Variants in TOP3B observed in about 807,000 individuals in gnomAD.
The protein encoded by TOP3B is DNA topoisomerase III beta.
TOP3B carries 45 observed loss-of-function variants against 93.9 expected under a neutral mutation model. The observed-to-expected ratio is 0.48, with a 90% CI of 0.38 to 0.61. TOP3B has a LOEUF of 0.61. TOP3B is among the 20% of genes least tolerant of loss of function. TOP3B has a pLI of 0.00. For synonymous variants in TOP3B, 357 were observed against 472.6 expected, an observed-to-expected ratio of 0.76 and a Z score of 3.17; for missense variants, 750 against 1,156.1, an observed-to-expected ratio of 0.65 and a Z score of 5.09.
intron 6 of TOP3B, 130 bp from the exon 7 acceptor site, chr22:21,968,905 A>G (rs1217274243): frequency 1.0e-6 from 1 of 971,128 alleles, no homozygotes; most frequent in African/African-American, 1.7e-5. Context: ...CCCCACTTAG[A>G]AGCCAGTGGG....
In TOP3B at chr22:21,963,235, C is replaced by T; in HGVS notation, c.1205-342G>A. The T allele has an allele frequency of 4.2e-6, 1 of 237,234 alleles. No homozygotes were observed. Among genetic ancestry groups the T allele is most frequent in the South Asian group, 5.5e-5 (1 of 18,202 alleles). The allele number at this position is 237,234 out of a possible 1,614,324, so 14.7% of individuals were successfully genotyped here. On this transcript the variant is annotated intron_variant, in intron 11 of 17. Transcript: ENST00000357179. This position sits in a 1 kb window ranked among gnomAD's most constrained non-coding sequence, Gnocchi z 4.8. ...CCTGTAATCCCAGCTACTCGGGGGG[C>T]TGAGGCAGGGTGAACTGCTTGAACC...
At chr22:21,979,576 A>G (rs2084572899) in intron 1 of TOP3B, among the ~76,000 whole-genome samples, 1 of 152,154 alleles carries the variant, frequency 6.6e-6, no homozygotes, top group African/African-American at 2.4e-5. Flanking sequence ...AGTTCTCTGC[A>G]GCATTATCAA....
chr22:21,970,847 G>A lies in TOP3B; in HGVS notation c.385-441C>T. 2 of 413,012 alleles carry A rather than the reference G, an allele frequency of 4.8e-6. No individual in the cohort carries two copies. Among genetic ancestry groups the A allele is most frequent in the Non-Finnish European group, 7.5e-6 (2 of 266,160 alleles). The allele number at this position is 413,012 out of a possible 1,614,324, so 25.6% of individuals were successfully genotyped here. A position where few individuals can be genotyped will look rare whatever the true frequency, so the allele number is the denominator to read the frequency against. On this transcript the variant is annotated intron_variant, in intron 5 of 17. Transcript: ENST00000357179. The surrounding 1 kb of genome is among the most constrained non-coding windows in gnomAD (Gnocchi z 4.4). ...TGGGTGGAAATTTTAAGAGGCTGAA[G>A]AAAAGACAGGGAAGGAAAAAAGAAT...
chr22:21,959,777 C>T (rs750959804), intron 14 of TOP3B, 41 bp from the exon 15 acceptor site: 1 of 1,591,940 alleles, frequency 6.3e-7, no homozygotes, highest in Non-Finnish European at 8.6e-7. Context: ...TGAGCACTCG[C>T]ACCCAGGGCC....
Position 21,970,844 on chromosome 22 carries a change from G to T in TOP3B, c.385-438C>A. On this transcript the variant is annotated intron_variant, in intron 5 of 17. Coordinates refer to ENST00000357179, the MANE Select transcript of TOP3B (RefSeq NM_001282112.2). The surrounding 1 kb of genome is among the most constrained non-coding windows in gnomAD (Gnocchi z 4.4). Reference sequence around the variant, plus strand: ...GGGTGGGTGGAAATTTTAAGAGGCTGAAGAAAAGACAGGGAAGGAAAAAAG... The same window carrying T: ...GGGTGGGTGGAAATTTTAAGAGGCTTAAGAAAAGACAGGGAAGGAAAAAAG... The T allele has an allele frequency of 2.5e-6, 1 of 399,002 alleles. No individual in the cohort carries two copies. Among genetic ancestry groups the T allele is most frequent in the Non-Finnish European group, 4.0e-6 (1 of 253,028 alleles). The allele number at this position is 399,002 out of a possible 1,614,324, so 24.7% of individuals were successfully genotyped here. A position where few individuals can be genotyped will look rare whatever the true frequency, so the allele number is the denominator to read the frequency against.
In TOP3B at chr22:21,963,705, C is replaced by G; in HGVS notation, c.1204+218G>C. The G allele has an allele frequency of 1.7e-6, 1 of 576,240 alleles. No individual in the cohort carries two copies. The highest frequency in any genetic ancestry group is 3.1e-6 in the Non-Finnish European group (1 of 325,306). The allele number at this position is 576,240 out of a possible 1,614,324, so 35.7% of individuals were successfully genotyped here. A position where few individuals can be genotyped will look rare whatever the true frequency, so the allele number is the denominator to read the frequency against. ...CATTCATGTCCCCTGTGGCGTCTGC[C>G]CCCTTGCCTCCCTGCAACAGCACCT... On this transcript the variant is annotated intron_variant, in intron 11 of 17. Transcript: ENST00000357179. The surrounding 1 kb of genome is among the most constrained non-coding windows in gnomAD (Gnocchi z 4.8).
Position 21,962,409 on chromosome 22 carries a change from G to C in TOP3B, c.1525+20C>G, listed in dbSNP as rs768902947. The C allele has an allele frequency of 2.5e-6, 4 of 1,612,844 alleles. No homozygotes were observed. The highest frequency in any genetic ancestry group is 1.3e-5 in the African/African-American group (1 of 75,060). On this transcript the variant is annotated intron_variant, in intron 13 of 17. Coordinates refer to ENST00000357179, the MANE Select transcript of TOP3B (RefSeq NM_001282112.2). ...TACTGGAGACGGAGCCGGCTCTGGGGCCTGGGCAGGCGCACCCACCGATGC... is the reference window on the plus strand; with the variant it reads ...TACTGGAGACGGAGCCGGCTCTGGGCCCTGGGCAGGCGCACCCACCGATGC...
intron 1 of TOP3B, chr22:21,977,535 A>AC (rs2071927032): frequency 7.5e-6 from 1 of 132,664 alleles, no homozygotes; most frequent in Non-Finnish European, 1.6e-5. Flanking sequence ...TCTCAAACAA[A>AC]AAAAAAAAAA....
chr22:21,975,934 T>A, intron 1 of TOP3B, 127 bp from the exon 2 acceptor site: 1 of 535,924 alleles, frequency 1.9e-6, no homozygotes, highest in South Asian at 8.3e-5. Context: ...AATTAGGGAA[T>A]TAGGGAAACT....
chr22:21,981,859 G>T (rs530664942), intron 1 of TOP3B, among the ~76,000 whole-genome samples: 2 of 152,056 alleles, frequency 1.3e-5, no homozygotes, highest in African/African-American at 2.4e-5. Context: ...GCAGTGGTCT[G>T]AATAGCATTA....
chr22:21,963,626 G>A lies in TOP3B; in HGVS notation c.1204+297C>T. On this transcript the variant is annotated intron_variant, in intron 11 of 17. Transcript: ENST00000357179. This position sits in a 1 kb window ranked among gnomAD's most constrained non-coding sequence, Gnocchi z 4.8. ...ACTGGTACCACCTTAGGCCAGCTGGGAGGTAGGAGGTGTGCTGCCCCCTCC... is the reference window on the plus strand; with the variant it reads ...ACTGGTACCACCTTAGGCCAGCTGGAAGGTAGGAGGTGTGCTGCCCCCTCC... 1 of 419,818 alleles carries A rather than the reference G, an allele frequency of 2.4e-6. No homozygotes were observed. The highest frequency in any genetic ancestry group is 6.5e-4 in the Middle Eastern group (1 of 1,534). 26.0% of individuals were successfully genotyped at this position (419,818 alleles called of 1,614,324 possible).
intron 8 of TOP3B, 106 bp from the exon 9 acceptor site, chr22:21,965,481 G>A: frequency 1.8e-6 from 1 of 547,150 alleles, no homozygotes; most frequent in Admixed American, 3.8e-5. Context: ...TGGTCTCCCT[G>A]TTTCTCCAAT....
chr22:21,959,763 G>A (rs1321867305), intron 14 of TOP3B, 27 bp from the exon 15 acceptor site: 2 of 1,606,162 alleles, frequency 1.2e-6, no homozygotes, highest in Admixed American at 3.4e-5. Context: ...GGCAGATATT[G>A]CCCTGAGCAC....
chr22:21,965,256 G>A, intron 9 of TOP3B, 29 bp downstream of exon 9: 1 of 1,539,528 alleles, frequency 6.5e-7, no homozygotes, highest in Non-Finnish European at 8.8e-7. Context: ...GAAGCCTTCT[G>A]GTGACTTGAG....
rs1342732994 is a variant in TOP3B at position 21,970,069 on chromosome 22, C to G, written c.581+141G>C. 1.8e-5 allele frequency: 16 copies of G among 875,420 alleles called. No homozygotes were observed. In the Admixed American group the frequency reaches 4.0e-4, roughly 22 times the overall value. 54.2% of individuals were successfully genotyped at this position (875,420 alleles called of 1,614,324 possible). A position where few individuals can be genotyped will look rare whatever the true frequency, so the allele number is the denominator to read the frequency against. On this transcript the variant is annotated intron_variant, in intron 6 of 17. Transcript: ENST00000357179. The surrounding 1 kb of genome is among the most constrained non-coding windows in gnomAD (Gnocchi z 4.4). ...ACAGGTGTTAGCCACTGTGCCTGGC[C>G]TTCTTCAGGGTTGGTGAAATCCCCT...
In TOP3B at chr22:21,971,897, C is replaced by G. The variant is rs770952774; in HGVS notation, c.364G>C (p.Gly122Arg). The change falls in exon 5 of 18, where the codon GGG becomes CGG. Residue 122 changes from glycine to arginine, a missense_variant. Gly to Arg is a moderately radical substitution (Grantham distance 125). Coordinates refer to ENST00000357179, the MANE Select transcript of TOP3B (RefSeq NM_001282112.2). This position sits in a 1 kb window ranked among gnomAD's most constrained non-coding sequence, Gnocchi z 4.6. ...CTCACCTCAAAGCAGATGTTCTCCC[C>G]CTCCTTGTCGCAGTCCAGCCACAGC... ...IVLWLDCDKE[G>R]ENICFEVLDA... The G allele has an allele frequency of 4.3e-6, 7 of 1,613,952 alleles. No individual in the cohort carries two copies. The highest frequency in any genetic ancestry group is 1.3e-5 in the African/African-American group (1 of 74,906).
intron 17 of TOP3B, chr22:21,958,256 G>A (rs2071009522): frequency 7.2e-7 from 1 of 1,380,648 alleles, no homozygotes; most frequent in Non-Finnish European, 9.4e-7. Context: ...CTGTGCCCAG[G>A]TCCTGAGGGT....
intron 8 of TOP3B, 106 bp from the exon 9 acceptor site, chr22:21,965,481 G>GT (rs1166005491): frequency 1.8e-6 from 1 of 547,032 alleles, no homozygotes; most frequent in African/African-American, 2.0e-5. Flanking sequence ...TGGTCTCCCT[G>GT]TTTCTCCAAT....
intron 8 of TOP3B, 122 bp from the exon 9 acceptor site, chr22:21,965,497 C>T: frequency 2.0e-6 from 1 of 494,852 alleles, no homozygotes; most frequent in Non-Finnish European, 3.6e-6. Context: ...CCAATTCATT[C>T]TTCCCAACAG....
Sources: gnomAD v4.1 joint callset for allele counts (sites outside exome capture counted in the v4.1 genomes callset) on GRCh38, gnomAD v4.1.1 for gene constraint, Gnocchi (gnomAD v3.1) non-coding constraint, MANE v1.5 for transcripts, NCBI Gene and HGNC (gene_info 2026-07-23, HGNC 2026-07-21) for gene names.